The following GPR19 variants were observed in gnomAD, a reference collection of about 807,000 sequenced individuals.
GPR19 encodes G protein-coupled receptor 19, also known as probable G protein-coupled receptor 19.
Under a neutral mutation model 28.5 loss-of-function variants are expected in GPR19, and 14 were observed. The observed-to-expected ratio is 0.49, with a 90% CI of 0.32 to 0.77. The LOEUF (loss-of-function observed/expected upper bound fraction) is 0.77, where lower values mean the gene tolerates loss of function less well. Ranked by LOEUF, GPR19 falls within the 30% of genes least tolerant of loss-of-function variation. GPR19 has a pLI of 0.03. For missense variants in GPR19, 409 were observed against 504.1 expected (o/e 0.81, Z 1.81); for synonymous variants, 173 against 184.1 (o/e 0.94, Z 0.49).
chr12:12,697,167 A>AAAC, upstream of GPR19, among the ~76,000 whole-genome samples: 1 of 149,216 alleles, frequency 6.7e-6, no homozygotes, highest in Non-Finnish European at 1.5e-5. Context: ...AAAAAAAAAA[A>AAAC]AAAAAAAAAA....
intron 3 of GPR19, among the ~76,000 whole-genome samples, chr12:12,676,508 A>G (rs993513576): frequency 6.6e-5 from 10 of 152,166 alleles, no homozygotes; most frequent in Non-Finnish European, 1.3e-4. Flanking sequence ...TTTTGATATC[A>G]AGGATCAGTA....
At chr12:12,701,569 A>G in the GPR19 span, among the ~76,000 whole-genome samples, 1 of 152,182 alleles carries the variant, frequency 6.6e-6, no homozygotes, top group Non-Finnish European at 1.5e-5. Context: ...GTTAACATTT[A>G]GTTAATCGCC....
At chr12:12,715,515 A>G in the GPR19 span, among the ~76,000 whole-genome samples, 1 of 152,222 alleles carries the variant, frequency 6.6e-6, no homozygotes, top group Non-Finnish European at 1.5e-5. Context: ...CACAGGCTCA[A>G]GACAGCTGCA....
In GPR19 at chr12:12,661,062, A is replaced by G; in HGVS notation, c.*139T>C. ...AAGTAAAATAAAACCCACAAAAACT[A>G]CAGTAAACAAATGAATGCATTTTAC... On this transcript the variant is annotated 3_prime_UTR_variant, in exon 4 of 4. Transcript: ENST00000651487. This position sits in a 1 kb window ranked among gnomAD's most constrained non-coding sequence, Gnocchi z 4.2. 3.3e-6 allele frequency: 2 copies of G among 613,696 alleles called. No homozygotes were observed. Among genetic ancestry groups the G allele is most frequent in the Non-Finnish European group, 5.4e-6 (2 of 371,686 alleles). 38.0% of individuals were successfully genotyped at this position (613,696 alleles called of 1,614,324 possible). A position where few individuals can be genotyped will look rare whatever the true frequency, so the allele number is the denominator to read the frequency against.
chr12:12,661,888 C>T lies in GPR19; in HGVS notation c.561G>A (p.Ser187=), dbSNP rs61745296. ...REKAKKMIAA[S]WVFDAGFVTP... is the part of the protein sequence containing the mutation. ...TCACAAAGCCTGCATCAAAGACCCA[C>T]GATGCCGCAATCATTTTCTTGGCTT... Residue 187 remains serine (S), a synonymous_variant, in exon 4 of 4, where the codon TCG becomes TCA. Coordinates refer to ENST00000651487, the MANE Select transcript of GPR19 (RefSeq NM_006143.3). This position sits in a 1 kb window ranked among gnomAD's most constrained non-coding sequence, Gnocchi z 4.2. 0.011 allele frequency: 18,355 copies of T among 1,614,186 alleles called. 110 individuals are homozygous for T. The highest frequency in any genetic ancestry group is 0.019 in the Admixed American group (1,162 of 60,022).
intron 3 of GPR19, among the ~76,000 whole-genome samples, chr12:12,676,967 A>C (rs1945940357): frequency 6.6e-6 from 1 of 152,234 alleles, no homozygotes; most frequent in African/African-American, 2.4e-5. Context: ...ACTAAAGTCA[A>C]AGCAAAGAAC....
intron 3 of GPR19, among the ~76,000 whole-genome samples, chr12:12,666,341 C>A (rs1215489544): frequency 6.6e-6 from 1 of 152,178 alleles, no homozygotes; most frequent in African/African-American, 2.4e-5. Context: ...GGTTGTGGTA[C>A]CCTTGCTCAT....
intron 3 of GPR19, 120 bp from the exon 4 acceptor site, chr12:12,662,590 AG>A (rs1945696494): frequency 1.2e-6 from 1 of 834,812 alleles, no homozygotes; most frequent in Non-Finnish European, 1.8e-6. Flanking sequence ...GTCTTTGTGT[AG>A]GACTTGAGCG....
the GPR19 span, among the ~76,000 whole-genome samples, chr12:12,707,863 C>A: frequency 6.6e-6 from 1 of 151,764 alleles, no homozygotes; most frequent in Non-Finnish European, 1.5e-5. Flanking sequence ...GCATTACAGG[C>A]ATGAGTCACT....
the GPR19 span, among the ~76,000 whole-genome samples, chr12:12,703,830 A>G: frequency 6.6e-6 from 1 of 152,328 alleles, no homozygotes; most frequent in Admixed American, 6.5e-5. Context: ...ACTGGGAGCC[A>G]TCTCTGGGAT....
At chr12:12,674,704 C>T (rs73281113) in intron 3 of GPR19, among the ~76,000 whole-genome samples, 1 of 151,974 alleles carries the variant, frequency 6.6e-6, no homozygotes, top group Non-Finnish European at 1.5e-5. Context: ...AAACCTGTGC[C>T]CATTTGAATC....
chr12:12,671,387 A>G (rs1219560020), intron 3 of GPR19, among the ~76,000 whole-genome samples: 1 of 151,984 alleles, frequency 6.6e-6, no homozygotes, highest in Non-Finnish European at 1.5e-5. Context: ...GCTTCTTTCC[A>G]CCACCTGAAA....
At chr12:12,703,382 T>C in the GPR19 span, 2 of 985,366 alleles carry the variant, frequency 2.0e-6, no homozygotes, top group Non-Finnish European at 2.4e-6. Flanking sequence ...GAGTGCGTGT[T>C]CGTGTGTGTA....
intron 3 of GPR19, among the ~76,000 whole-genome samples, chr12:12,664,178 C>A (rs1033856506): frequency 6.6e-6 from 1 of 151,974 alleles, no homozygotes; most frequent in African/African-American, 2.4e-5. Flanking sequence ...TTAGTAGAGA[C>A]CGGGTTTCCC....
chr12:12,672,842 A>T (rs1945874461), intron 3 of GPR19, among the ~76,000 whole-genome samples: 1 of 152,220 alleles, frequency 6.6e-6, no homozygotes, highest in Non-Finnish European at 1.5e-5. Context: ...TCCATTTTTT[A>T]AAAAGATCAC....
chr12:12,707,140 T>G, the GPR19 span, among the ~76,000 whole-genome samples: 1 of 152,210 alleles, frequency 6.6e-6, no homozygotes, highest in African/African-American at 2.4e-5. Context: ...CCCAGACACA[T>G]TCCTACCTCA....
intron 2 of GPR19, among the ~76,000 whole-genome samples, chr12:12,689,183 C>A (rs898556660): frequency 2.0e-5 from 3 of 152,158 alleles, no homozygotes; most frequent in Non-Finnish European, 4.4e-5. Context: ...AGAGAATTCA[C>A]TCACTATAGT....
chr12:12,706,179 C>T, the GPR19 span, among the ~76,000 whole-genome samples: 1 of 152,222 alleles, frequency 6.6e-6, no homozygotes, highest in African/African-American at 2.4e-5. Flanking sequence ...ATCAAGTCAT[C>T]AGTGAACTTG....
chr12:12,665,504 A>G (rs188863625), intron 3 of GPR19, among the ~76,000 whole-genome samples: 138 of 152,342 alleles, frequency 9.1e-4, no homozygotes, highest in African/African-American at 3.0e-3. Context: ...GCAGTTCTGA[A>G]TATTCATTCA....
Sources: allele counts gnomAD v4.1 joint callset (sites outside exome capture counted in the v4.1 genomes callset), GRCh38; gene constraint gnomAD v4.1.1; non-coding constraint Gnocchi (gnomAD v3.1); transcripts MANE v1.5; gene names NCBI Gene and HGNC (gene_info 2026-07-23, HGNC 2026-07-21).